Variants in FBN1 observed in about 807,000 individuals in gnomAD.
FBN1 encodes the protein fibrillin-1.
Under a neutral mutation model 365.1 loss-of-function variants are expected in FBN1, and 29 were observed. That is an observed-to-expected ratio of 0.08 (90% CI 0.06 to 0.11). The LOEUF (loss-of-function observed/expected upper bound fraction) is 0.11, where lower values mean the gene tolerates loss of function less well. Ranked by LOEUF, FBN1 falls within the 10% of genes least tolerant of loss-of-function variation. FBN1 has a pLI of 1.00. For synonymous variants in FBN1, 1,210 were observed against 1,270.5 expected (o/e 0.95, Z 1.01); for missense variants, 2,476 against 3,703.2 (o/e 0.67, Z 8.60).
rs565487042 is a variant in FBN1, at chr15:48,447,749, T to C, written c.5672-927A>G. On this transcript the variant is annotated intron_variant, in intron 46 of 65. Transcript: ENST00000316623. The stretch of plus-strand genomic sequence containing the variant: ...TAGGATTCCCTTTCTTTTCACATTT[T>C]GGACATGAAGATAAATGATCTGTGA... Among the ~76,000 whole-genome samples, 164 of 152,306 alleles carry C rather than the reference T, an allele frequency of 1.1e-3. 1 individual carries two copies. Among genetic ancestry groups the C allele is most frequent in the Non-Finnish European group, 2.1e-3 (142 of 68,026 alleles).
rs1391660963 is a variant in FBN1, at chr15:48,497,394, G to A, written c.2168-3C>T. ...ATCTAGTGCACATTCATTTATATCT[G>A]CACCACAAAAAAGGTCAAAATCAAT... On this transcript the variant is annotated splice_region_variant and splice_polypyrimidine_tract_variant and intron_variant, in intron 18 of 65. Transcript: ENST00000316623. 31 of 1,612,716 alleles carry A rather than the reference G, an allele frequency of 1.9e-5. No individual in the cohort carries two copies. Among genetic ancestry groups the A allele is most frequent in the Non-Finnish European group, 2.5e-5 (29 of 1,179,040 alleles).
intron 2 of FBN1, among the ~76,000 whole-genome samples, chr15:48,617,898 A>T (rs1335465392): frequency 6.6e-6 from 1 of 152,176 alleles, no homozygotes; most frequent in Non-Finnish European, 1.5e-5. Flanking sequence ...TTCCTATGCA[A>T]AGTGCAAACT....
intron 5 of FBN1, 53 bp from the exon 6 acceptor site, chr15:48,596,431 A>C (rs2044516712): frequency 1.3e-6 from 2 of 1,517,564 alleles, no homozygotes; most frequent in Non-Finnish European, 1.8e-6. Flanking sequence ...AATGCTAATG[A>C]AGTAACACTT....
chr15:48,446,289 G>A (rs911725768), intron 47 of FBN1, among the ~76,000 whole-genome samples: 5 of 151,966 alleles, frequency 3.3e-5, no homozygotes, highest in Middle Eastern at 6.8e-3. Context: ...AATATTTTGA[G>A]AGAGAGAGAG....
chr15:48,644,566 T>C (rs1443795884), intron 2 of FBN1, 40 bp downstream of exon 2: 2 of 1,613,164 alleles, frequency 1.2e-6, no homozygotes, highest in Non-Finnish European at 1.7e-6. Flanking sequence ...ATCTTGAAAC[T>C]TGGGAGACCC....
chr15:48,645,117 G>T (rs899206655), intron 1 of FBN1, among the ~76,000 whole-genome samples, 167 bp from the exon 2 acceptor site: 1 of 152,252 alleles, frequency 6.6e-6, no homozygotes, highest in Admixed American at 6.5e-5. Context: ...GAAAGCCCAG[G>T]CCCCCGGCGG....
intron 43 of FBN1, among the ~76,000 whole-genome samples, chr15:48,459,267 G>GT (rs1317927176): frequency 1.3e-5 from 2 of 152,198 alleles, no homozygotes; most frequent in African/African-American, 4.8e-5. Context: ...TAAAAGATCT[G>GT]TTTTGGGAAG....
At position 48,425,371 on chromosome 15, in the gene FBN1, T is replaced by C. The variant is rs374630707; in HGVS notation, c.7451A>G (p.Lys2484Arg). Residue 2484 changes from lysine to arginine, a missense_variant and splice_region_variant, in exon 60 of 66, where the codon AAA becomes AGA. This residue lies in a region of FBN1 where 1,780 missense variants were observed against 2,840.8 expected (regional missense o/e 0.63). Coordinates refer to ENST00000316623, the MANE Select transcript of FBN1 (RefSeq NM_000138.5). The part of the protein sequence containing the change: ...YILQEDGRSC[K>R]DLDECATKQH... Reference sequence around the variant, plus strand: ...GGCAATGGTCAATTCTACTTTACCTTTGCAGCTCCTTCCATCCTCTTGCAG... The same window carrying C: ...GGCAATGGTCAATTCTACTTTACCTCTGCAGCTCCTTCCATCCTCTTGCAG... The C allele has an allele frequency of 3.0e-5, 48 of 1,614,062 alleles. No homozygotes were observed. The highest frequency in any genetic ancestry group is 3.6e-5 in the Non-Finnish European group (43 of 1,180,006).
At position 48,610,789 on chromosome 15, in the gene FBN1, C is replaced by G; in HGVS notation, c.285G>C (p.Ser95=). 6.2e-7 allele frequency: 1 copy of G among 1,614,066 alleles called. No homozygotes were observed. Among genetic ancestry groups the G allele is most frequent in the Non-Finnish European group, 8.5e-7 (1 of 1,179,968 alleles). Reference sequence around the variant, plus strand: ...ATGGGCAAGTGCACATATTTGGCCTCGAACAAAATCCATCCCCACAGGAAT... The same window carrying G: ...ATGGGCAAGTGCACATATTTGGCCTGGAACAAAATCCATCCCCACAGGAAT... ...CRHSCGDGFC[S]RPNMCTCPSG... The change falls in exon 4 of 66, where the codon TCG becomes TCC. Residue 95 remains serine, a synonymous_variant. Transcript: ENST00000316623.
chr15:48,518,302 G>T (rs7184016), intron 10 of FBN1, among the ~76,000 whole-genome samples: 49,635 of 151,996 alleles, frequency 0.33, 9,142 homozygotes, highest in African/African-American at 0.51. Flanking sequence ...TGTGTAGTCT[G>T]TGAAGTCAGG....
intron 20 of FBN1, among the ~76,000 whole-genome samples, 174 bp from the exon 21 acceptor site, chr15:48,495,762 C>CTAG (rs1276021314): frequency 2.6e-5 from 4 of 152,162 alleles, no homozygotes; most frequent in Non-Finnish European, 5.9e-5. Context: ...ATAGTATAGA[C>CTAG]TAGTACATCT....
At chr15:48,577,715 A>G (rs1040420862) in intron 6 of FBN1, among the ~76,000 whole-genome samples, 8 of 152,132 alleles carry the variant, frequency 5.3e-5, no homozygotes, top group African/African-American at 1.7e-4. Flanking sequence ...ATGGCTTGTG[A>G]TTACTCAGCA....
intron 60 of FBN1, among the ~76,000 whole-genome samples, chr15:48,424,025 T>C (rs912305577): frequency 2.0e-5 from 3 of 152,212 alleles, no homozygotes; most frequent in Non-Finnish European, 4.4e-5. Flanking sequence ...TTACAGATAA[T>C]ATATACAATG....
intron 9 of FBN1, 91 bp from the exon 10 acceptor site, chr15:48,520,908 C>T: frequency 1.3e-6 from 2 of 1,551,924 alleles, no homozygotes; most frequent in Non-Finnish European, 1.8e-6. Flanking sequence ...ATACTTCACA[C>T]TGGGGCTACG....
Position 48,452,701 on chromosome 15 carries a change from A to G in FBN1, c.5423-17T>C. ...CGTCAATATCTACGAGCAGAAGAGA[A>G]CTGAATTTGAAGGAGAACAGAATCT... On this transcript the variant is annotated splice_polypyrimidine_tract_variant and intron_variant, in intron 44 of 65. Transcript: ENST00000316623. 1 of 1,613,814 alleles carries G rather than the reference A, an allele frequency of 6.2e-7. No homozygotes were observed. Among genetic ancestry groups the G allele is most frequent in the Admixed American group, 1.7e-5 (1 of 60,000 alleles).
chr15:48,610,801 A>G lies in FBN1; in HGVS notation c.273T>C (p.Asp91=), dbSNP rs375450755. ...ACATATTTGGCCTCGAACAAAATCC[A>G]TCCCCACAGGAATGCCGGCAAATGG... is the stretch of plus-strand genomic sequence containing the variant. ...IVPICRHSCG[D]GFCSRPNMCT... is the part of the protein sequence containing the mutation. Residue 91 remains aspartate, a synonymous_variant, in exon 4 of 66, where the codon GAT becomes GAC. Coordinates refer to ENST00000316623, the MANE Select transcript of FBN1 (RefSeq NM_000138.5). The G allele has an allele frequency of 1.2e-4, 189 of 1,614,020 alleles. No homozygotes were observed. Among genetic ancestry groups the G allele is most frequent in the Non-Finnish European group, 1.5e-4 (181 of 1,179,982 alleles).
rs1890109679 is a variant in FBN1 at position 48,637,178 on chromosome 15, T to C, written c.164+7428A>G. Among the ~76,000 whole-genome samples, 2 of 152,160 alleles carry C rather than the reference T, an allele frequency of 1.3e-5. 1 individual carries two copies. The highest frequency in any genetic ancestry group is 4.1e-4 in the South Asian group (2 of 4,822). ...CCTTTCACTGAATTTGCTCAGACCA[T>C]CGTGGACTCTCACTGTGACTCCTAT... On this transcript the variant is annotated intron_variant, in intron 2 of 65. Coordinates refer to ENST00000316623, the MANE Select transcript of FBN1 (RefSeq NM_000138.5).
intron 57 of FBN1, 37 bp downstream of exon 57, chr15:48,428,309 G>T (rs569944065): frequency 6.2e-7 from 1 of 1,612,900 alleles, no homozygotes; most frequent in Non-Finnish European, 8.5e-7. Flanking sequence ...CAGTGTGGAG[G>T]CTGAGGTTAG....
chr15:48,470,722 G>C lies in FBN1; in HGVS notation c.4371C>G (p.Val1457=), dbSNP rs781641370. The C allele has an allele frequency of 1.2e-6, 2 of 1,613,998 alleles. No individual in the cohort carries two copies. The highest frequency in any genetic ancestry group is 1.1e-5 in the South Asian group (1 of 91,054). ...CAGGGAGGTTGTGGCAAGTTCCAAA[G>C]ACACAGATGTTCGGAAGGGAGCACT... is the stretch of plus-strand genomic sequence containing the variant. ...IDECSLPNIC[V]FGTCHNLPGL... Residue 1457 remains valine (V), a synonymous_variant, in exon 36 of 66, where the codon GTC becomes GTG. Coordinates refer to ENST00000316623, the MANE Select transcript of FBN1 (RefSeq NM_000138.5).
Sources: gnomAD v4.1 joint callset for allele counts (sites outside exome capture counted in the v4.1 genomes callset) on GRCh38, gnomAD v4.1.1 for gene constraint, gnomAD v4.1.1 regional missense constraint, MANE v1.5 for transcripts, NCBI Gene and HGNC (gene_info 2026-07-23, HGNC 2026-07-21) for gene names.